The following CNTNAP2 variants were observed in gnomAD, a reference collection of about 807,000 sequenced individuals.
CNTNAP2 encodes the protein contactin-associated protein-like 2.
CNTNAP2 carries 98 observed loss-of-function variants against 155.2 expected under a neutral mutation model. The ratio of observed to expected loss-of-function variants is 0.63; its 90% CI spans 0.54 to 0.75. CNTNAP2 has a LOEUF of 0.75. Among genes scored for constraint, CNTNAP2 ranks in the 30% least tolerant of loss-of-function variants. The pLI is 0.00. For synonymous variants in CNTNAP2, 651 were observed against 631.2 expected (o/e 1.03, Z -0.47); for missense variants, 1,727 against 1,688.1 (o/e 1.02, Z -0.40).
At chr7:146,550,303 T>C (rs567086585) in intron 1 of CNTNAP2, among the ~76,000 whole-genome samples, 47 of 150,520 alleles carry the variant, frequency 3.1e-4, no homozygotes, top group South Asian at 6.3e-4. Context: ...ACTCAACTCA[T>C]CATTGACATT....
At chr7:148,044,879 G>C (rs1462576394) in intron 15 of CNTNAP2, among the ~76,000 whole-genome samples, 1 of 152,034 alleles carries the variant, frequency 6.6e-6, no homozygotes, top group African/African-American at 2.4e-5. Context: ...TGTTTTTGTA[G>C]ACAACATCTT....
intron 1 of CNTNAP2, among the ~76,000 whole-genome samples, chr7:146,648,518 A>T (rs955150698): frequency 2.0e-5 from 3 of 152,156 alleles, no homozygotes; most frequent in South Asian, 2.1e-4. Context: ...AATGTTTTTT[A>T]AAAAACTAAT....
chr7:147,877,447 A>G (rs1016905518), intron 13 of CNTNAP2, among the ~76,000 whole-genome samples: 3 of 152,228 alleles, frequency 2.0e-5, no homozygotes. Flanking sequence ...AAAGAACATA[A>G]AAGAACTAGA....
intron 14 of CNTNAP2, among the ~76,000 whole-genome samples, chr7:147,965,264 C>G (rs73168521): frequency 0.37 from 56,662 of 152,004 alleles, 12,780 homozygotes; most frequent in Middle Eastern, 0.63. Context: ...TACTGCCAAC[C>G]TTGGAAAGCA....
At chr7:148,259,389 C>A (rs1019533559) in intron 20 of CNTNAP2, among the ~76,000 whole-genome samples, 4 of 150,710 alleles carry the variant, frequency 2.7e-5, no homozygotes, top group East Asian at 1.9e-4. Flanking sequence ...TAGTCATACA[C>A]CTAAAGCCAA....
intron 1 of CNTNAP2, among the ~76,000 whole-genome samples, chr7:146,312,968 A>G (rs1365925549): frequency 2.0e-5 from 3 of 152,118 alleles, no homozygotes; most frequent in Non-Finnish European, 4.4e-5. Flanking sequence ...GTTCCTGGAT[A>G]CTTATATTGC....
chr7:146,219,710 C>T (rs1799175888), intron 1 of CNTNAP2, among the ~76,000 whole-genome samples: 1 of 152,098 alleles, frequency 6.6e-6, no homozygotes, highest in Admixed American at 6.5e-5. Context: ...ATTTTTTTTA[C>T]ACTTGAATTA....
chr7:147,311,894 T>A (rs1004634756), intron 9 of CNTNAP2, among the ~76,000 whole-genome samples: 4 of 152,162 alleles, frequency 2.6e-5, no homozygotes, highest in Non-Finnish European at 4.4e-5. Context: ...TGGTCTGTTA[T>A]TGCTTATTTT....
At chr7:146,554,375 T>C (rs1312111814) in intron 1 of CNTNAP2, among the ~76,000 whole-genome samples, 1 of 152,220 alleles carries the variant, frequency 6.6e-6, no homozygotes, top group African/African-American at 2.4e-5. Flanking sequence ...TAAAAATATT[T>C]TGCTCCATAA....
At chr7:146,791,785 C>A (rs1328978085) in intron 2 of CNTNAP2, among the ~76,000 whole-genome samples, 1 of 152,152 alleles carries the variant, frequency 6.6e-6, no homozygotes, top group Non-Finnish European at 1.5e-5. Context: ...GCCTGAAATA[C>A]GTTAATCAGC....
At position 147,044,045 on chromosome 7, in the gene CNTNAP2, T is replaced by A; in HGVS notation, c.541T>A (p.Cys181Ser). ...RIGLRIEVYGCSYWADVINFD... is the reference protein window; with the variant it reads ...RIGLRIEVYGSSYWADVINFD... ...TGGACTCAGAATTGAAGTTTATGGC[T>A]GTTCTTACTGTGAGTATCGTATTGT... Residue 181 changes from cysteine (C) to serine (S), a missense_variant, in exon 4 of 24, where the codon TGT (cysteine) becomes AGT (serine). Coordinates refer to ENST00000361727, the MANE Select transcript of CNTNAP2 (RefSeq NM_014141.6). 1 of 1,614,154 alleles carries A rather than the reference T, an allele frequency of 6.2e-7. No homozygotes were observed. The highest frequency in any genetic ancestry group is 8.5e-7 in the Non-Finnish European group (1 of 1,179,992).
At chr7:148,313,095 C>A (rs1797623706) in intron 21 of CNTNAP2, among the ~76,000 whole-genome samples, 1 of 151,110 alleles carries the variant, frequency 6.6e-6, no homozygotes, top group African/African-American at 2.4e-5. Context: ...TAAGTTGGCA[C>A]CAGAGTTGGG....
In CNTNAP2 at chr7:146,587,504, G is replaced by A. The variant is rs147830166; in HGVS notation, c.98-186767G>A. On this transcript the variant is annotated intron_variant, in intron 1 of 23. Transcript: ENST00000361727. ...ATTCCAAACACCGAAGTATCTCCAC[G>A]TCATCACCTTTTAATCACATTTTAG... 2.6e-3 allele frequency among the ~76,000 whole-genome samples: 388 copies of A among 152,072 alleles called. 2 individuals carry two copies. The highest frequency in any genetic ancestry group is 8.8e-3 in the African/African-American group (363 of 41,474).
chr7:147,046,942 G>A (rs1273533483), intron 4 of CNTNAP2, among the ~76,000 whole-genome samples: 1 of 147,456 alleles, frequency 6.8e-6, no homozygotes, highest in Non-Finnish European at 1.5e-5. Flanking sequence ...TGAAGCAGGA[G>A]AATGGCGTGA....
At chr7:146,793,364 T>C (rs1270584876) in intron 2 of CNTNAP2, among the ~76,000 whole-genome samples, 3 of 152,206 alleles carry the variant, frequency 2.0e-5, no homozygotes, top group African/African-American at 7.2e-5. Context: ...CATGTGTTAG[T>C]CCTTCTAGCA....
intron 1 of CNTNAP2, among the ~76,000 whole-genome samples, chr7:146,118,044 T>C (rs1797511835): frequency 6.6e-6 from 1 of 152,214 alleles, no homozygotes; most frequent in Non-Finnish European, 1.5e-5. Context: ...AAGTAGTCTT[T>C]GTTTCTAAGA....
At chr7:147,049,448 A>G (rs1301363158) in intron 4 of CNTNAP2, among the ~76,000 whole-genome samples, 1 of 152,218 alleles carries the variant, frequency 6.6e-6, no homozygotes, top group Non-Finnish European at 1.5e-5. Context: ...AGTCCTTAGA[A>G]GATGATACTC....
chr7:147,463,907 A>G (rs1025053468), intron 10 of CNTNAP2, among the ~76,000 whole-genome samples: 3 of 151,468 alleles, frequency 2.0e-5, no homozygotes, highest in Non-Finnish European at 4.4e-5. Flanking sequence ...TCTTCAGTCT[A>G]CAAATACTAA....
chr7:147,332,737 C>T (rs1363683552), intron 9 of CNTNAP2, among the ~76,000 whole-genome samples: 1 of 152,130 alleles, frequency 6.6e-6, no homozygotes, highest in East Asian at 1.9e-4. Flanking sequence ...TAGTGCACAC[C>T]TGTAATCCCA....
Sources: allele counts gnomAD v4.1 joint callset (sites outside exome capture counted in the v4.1 genomes callset), GRCh38; gene constraint gnomAD v4.1.1; transcripts MANE v1.5; gene names NCBI Gene and HGNC (gene_info 2026-07-23, HGNC 2026-07-21).